The following ADAMTS3 variants were observed in gnomAD, a reference collection of about 807,000 sequenced individuals.
ADAMTS3 encodes the protein ADAM metallopeptidase with thrombospondin type 1 motif 3.
In ADAMTS3, 73 loss-of-function variants were observed where a neutral mutation model predicts 129.0. The ratio of observed to expected loss-of-function variants is 0.57; its 90% CI spans 0.47 to 0.69. The LOEUF is 0.69. Among genes scored for constraint, ADAMTS3 ranks in the 30% least tolerant of loss-of-function variants. ADAMTS3 has a pLI of 0.00. For synonymous variants in ADAMTS3, 477 were observed against 510.8 expected, an observed-to-expected ratio of 0.93 and a Z score of 0.89; for missense variants, 1,457 against 1,514.5, an observed-to-expected ratio of 0.96 and a Z score of 0.63.
intron 3 of ADAMTS3, among the ~76,000 whole-genome samples, chr4:72,514,483 C>G (rs1371894482): frequency 6.6e-6 from 1 of 152,150 alleles, no homozygotes; most frequent in African/African-American, 2.4e-5. Flanking sequence ...CTAAGAATAG[C>G]TGGCTCTTCT....
intron 4 of ADAMTS3, among the ~76,000 whole-genome samples, chr4:72,396,634 T>C (rs1412973665): frequency 6.6e-6 from 1 of 152,194 alleles, no homozygotes; most frequent in Non-Finnish European, 1.5e-5. Context: ...GCAGGCATCA[T>C]ATGCTCTCTT....
At chr4:72,564,529 T>G (rs1461471151) in intron 2 of ADAMTS3, among the ~76,000 whole-genome samples, 1 of 152,224 alleles carries the variant, frequency 6.6e-6, no homozygotes, top group Non-Finnish European at 1.5e-5. Context: ...TATATGTATG[T>G]ATGGGTATAG....
intron 3 of ADAMTS3, among the ~76,000 whole-genome samples, chr4:72,419,158 A>AAAT (rs1330133230): frequency 6.6e-6 from 1 of 152,148 alleles, no homozygotes; most frequent in Non-Finnish European, 1.5e-5. Flanking sequence ...TTCTAACTGA[A>AAAT]AATAATGTGT....
intron 10 of ADAMTS3, among the ~76,000 whole-genome samples, chr4:72,317,469 CTTT>C (rs71215421): frequency 1.5e-3 from 204 of 137,638 alleles, no homozygotes; most frequent in African/African-American, 4.9e-3. Context: ...AAAAGGCCTT[CTTT>C]TTTTTTTTTT....
chr4:72,520,474 T>C (rs1048235964), intron 3 of ADAMTS3, among the ~76,000 whole-genome samples: 51 of 152,324 alleles, frequency 3.3e-4, no homozygotes, highest in African/African-American at 1.1e-3. Flanking sequence ...CAGGCCTCCT[T>C]GAGCTGTGGT....
rs371990021 is a variant in ADAMTS3 at position 72,421,947 on chromosome 4, C to T, written c.505-6976G>A. Among the ~76,000 whole-genome samples the T allele has an allele frequency of 2.0e-3, 309 of 152,190 alleles. 3 individuals carry two copies. The highest frequency in any genetic ancestry group is 7.2e-3 in the African/African-American group (300 of 41,504). On this transcript the variant is annotated intron_variant, in intron 3 of 21. Coordinates refer to ENST00000286657, the MANE Select transcript of ADAMTS3 (RefSeq NM_014243.3). ...GAAAGTTCTTTTATCCACTAGAATG[C>T]CCATTTAGGTAGTCATGCATTCAAC...
intron 3 of ADAMTS3, among the ~76,000 whole-genome samples, chr4:72,479,650 T>C (rs1279385397): frequency 1.3e-5 from 2 of 152,110 alleles, no homozygotes; most frequent in South Asian, 2.1e-4. Flanking sequence ...ACTTCATGTC[T>C]AAAACACCAA....
intron 4 of ADAMTS3, among the ~76,000 whole-genome samples, chr4:72,383,250 A>G (rs765500893): frequency 6.6e-6 from 1 of 151,952 alleles, no homozygotes; most frequent in Non-Finnish European, 1.5e-5. Flanking sequence ...AATAAAATAG[A>G]AAAAAAAGCA....
intron 4 of ADAMTS3, among the ~76,000 whole-genome samples, chr4:72,379,201 C>A (rs1370167670): frequency 6.6e-6 from 1 of 151,978 alleles, no homozygotes; most frequent in Non-Finnish European, 1.5e-5. Context: ...CTATTCAGGG[C>A]GTGTACACCT....
chr4:72,407,310 A>G (rs1412691237), intron 4 of ADAMTS3, among the ~76,000 whole-genome samples: 1 of 152,190 alleles, frequency 6.6e-6, no homozygotes, highest in East Asian at 1.9e-4. Context: ...CATTAGTAGA[A>G]GACTCTTTAG....
At chr4:72,485,982 AT>A (rs1301623048) in intron 3 of ADAMTS3, among the ~76,000 whole-genome samples, 2 of 152,160 alleles carry the variant, frequency 1.3e-5, no homozygotes, top group African/African-American at 4.8e-5. Flanking sequence ...TTGATCTTGG[AT>A]TTCCTAGCAT....
At chr4:72,391,779 A>G (rs1227189610) in intron 4 of ADAMTS3, among the ~76,000 whole-genome samples, 1 of 152,202 alleles carries the variant, frequency 6.6e-6, no homozygotes, top group East Asian at 1.9e-4. Context: ...ATATGGTTTC[A>G]GTGAAAATAT....
chr4:72,515,090 G>GT (rs779747759), intron 3 of ADAMTS3, among the ~76,000 whole-genome samples: 10 of 152,194 alleles, frequency 6.6e-5, no homozygotes, highest in Non-Finnish European at 1.3e-4. Flanking sequence ...GCGGTGTTTG[G>GT]TTTTTTGTCC....
intron 17 of ADAMTS3, among the ~76,000 whole-genome samples, chr4:72,299,867 G>A (rs142427497): frequency 6.4e-4 from 97 of 152,102 alleles, no homozygotes; most frequent in African/African-American, 2.3e-3. Context: ...TGTAATATGA[G>A]TTGCAAATAT....
chr4:72,457,832 T>C (rs748605288), intron 3 of ADAMTS3, among the ~76,000 whole-genome samples: 15 of 149,090 alleles, frequency 1.0e-4, no homozygotes, highest in African/African-American at 2.9e-4. Context: ...TATACCCTTC[T>C]TTCATACTCT....
At chr4:72,313,969 A>T (rs1468120896) in intron 11 of ADAMTS3, 147 bp from the exon 12 acceptor site, 10 of 837,392 alleles carry the variant, frequency 1.2e-5, no homozygotes, top group African/African-American at 1.7e-5. Context: ...AAAAGCAATT[A>T]TGTCATTAAT....
chr4:72,401,557 AC>A lies in ADAMTS3; in HGVS notation c.661+13257del, dbSNP rs567352709. On this transcript the variant is annotated intron_variant, in intron 4 of 21. Coordinates refer to ENST00000286657, the MANE Select transcript of ADAMTS3 (RefSeq NM_014243.3). ...ACTCCAGCCTGGGCGACAGAGAGAT[AC>A]TCTGTCTCAAAAAAAAAAAAAAAAA... Among the ~76,000 whole-genome samples, 979 of 103,834 alleles carry A rather than the reference AC, an allele frequency of 9.4e-3. 17 individuals are homozygous for A. The highest frequency in any genetic ancestry group is 0.036 in the African/African-American group (935 of 26,160). 68.1% of individuals were successfully genotyped at this position (103,834 alleles called of 152,430 possible).
intron 3 of ADAMTS3, among the ~76,000 whole-genome samples, chr4:72,415,834 G>A (rs556052315): frequency 9.0e-4 from 136 of 151,904 alleles, no homozygotes; most frequent in Admixed American, 1.9e-3. Flanking sequence ...GTTGTGGCTC[G>A]TGTTTCTACT....
At chr4:72,498,766 C>T (rs1050112863) in intron 3 of ADAMTS3, among the ~76,000 whole-genome samples, 2 of 151,940 alleles carry the variant, frequency 1.3e-5, no homozygotes, top group African/African-American at 4.8e-5. Context: ...TCTTTAACTT[C>T]CCCATAAAGC....
Sources: gnomAD v4.1 joint callset for allele counts (sites outside exome capture counted in the v4.1 genomes callset) on GRCh38, gnomAD v4.1.1 for gene constraint, MANE v1.5 for transcripts, NCBI Gene and HGNC (gene_info 2026-07-23, HGNC 2026-07-21) for gene names.